The following MTA3 variants were observed in gnomAD, a reference collection of about 807,000 sequenced individuals.
MTA3 encodes metastasis-associated protein MTA3.
MTA3 carries 34 observed loss-of-function variants against 83.5 expected under a neutral mutation model. The observed-to-expected ratio is 0.41, with a 90% CI of 0.31 to 0.54. MTA3 has a LOEUF of 0.54. MTA3 is among the 20% of genes least tolerant of loss of function. The pLI, the probability that MTA3 is intolerant of heterozygous loss-of-function variation, is 0.33. For synonymous variants in MTA3, 303 were observed against 252.7 expected (o/e 1.20, Z -1.89); for missense variants, 761 against 726.4 (o/e 1.05, Z -0.55).
chr2:42,591,711 T>G (rs1017563984), intron 3 of MTA3, among the ~76,000 whole-genome samples: 11 of 152,012 alleles, frequency 7.2e-5, no homozygotes, highest in Non-Finnish European at 1.5e-4. Flanking sequence ...AGTGCAGTGG[T>G]GCGATCTCAG....
intron 2 of MTA3, among the ~76,000 whole-genome samples, chr2:42,541,880 T>A (rs979546202): frequency 6.6e-6 from 1 of 152,120 alleles, no homozygotes; most frequent in South Asian, 2.1e-4. Flanking sequence ...ATGGCTACTG[T>A]CAATTAGAGA....
At chr2:42,586,105 C>G (rs1368291596) in intron 3 of MTA3, among the ~76,000 whole-genome samples, 3 of 151,438 alleles carry the variant, frequency 2.0e-5, no homozygotes, top group Non-Finnish European at 4.4e-5. Flanking sequence ...TGGTGAAACC[C>G]TTTGTCTACT....
chr2:42,543,519 G>C (rs1290395237), intron 2 of MTA3, among the ~76,000 whole-genome samples: 1 of 146,310 alleles, frequency 6.8e-6, no homozygotes, highest in Non-Finnish European at 1.5e-5. Context: ...GGGTCTCACT[G>C]TGTCACCCAG....
At chr2:42,577,106 AT>A (rs371597744) in intron 2 of MTA3, among the ~76,000 whole-genome samples, 16,149 of 64,130 alleles carry the variant, frequency 0.25, 2,143 homozygotes, top group Non-Finnish European at 0.32. Flanking sequence ...AAAAAAAAAA[AT>A]ATATATATAT....
chr2:42,650,676 G>T (rs986531048), intron 6 of MTA3, among the ~76,000 whole-genome samples: 1 of 152,046 alleles, frequency 6.6e-6, no homozygotes, highest in East Asian at 1.9e-4. Context: ...TGATCTGCCC[G>T]CCTCAGCCTC....
intron 3 of MTA3, among the ~76,000 whole-genome samples, chr2:42,601,743 G>A (rs1006741011): frequency 2.6e-5 from 4 of 151,974 alleles, no homozygotes; most frequent in African/African-American, 7.2e-5. Context: ...GCAGGGTTGC[G>A]ATCTCAGCTC....
At chr2:42,605,674 C>CA (rs1405544270) in intron 3 of MTA3, among the ~76,000 whole-genome samples, 1 of 128,888 alleles carries the variant, frequency 7.8e-6, no homozygotes, top group Non-Finnish European at 1.7e-5. Context: ...GCTGACCCCC[C>CA]CACCTCCCTC....
At position 42,568,791 on chromosome 2, in the gene MTA3, G is replaced by T. The variant is rs758037300; in HGVS notation, c.28+18G>T. 1 of 1,215,290 alleles carries T rather than the reference G, an allele frequency of 8.2e-7. No homozygotes were observed. The highest frequency in any genetic ancestry group is 1.0e-6 in the Non-Finnish European group (1 of 977,022). 75.3% of individuals were successfully genotyped at this position (1,215,290 alleles called of 1,614,324 possible). On this transcript the variant is annotated intron_variant, in intron 1 of 16. Transcript: ENST00000405094. Reference sequence around the variant, plus strand: ...GGTCGGAGGTAGGCAGGCTCGGCCCGACCCGGCCCGTGTGGGAGCGGGTTC... The same window carrying T: ...GGTCGGAGGTAGGCAGGCTCGGCCCTACCCGGCCCGTGTGGGAGCGGGTTC...
intron 15 of MTA3, among the ~76,000 whole-genome samples, chr2:42,722,343 T>C (rs1174808622): frequency 6.6e-6 from 1 of 152,184 alleles, no homozygotes; most frequent in Non-Finnish European, 1.5e-5. Context: ...CTCTTGACTA[T>C]TGTATTTGGA....
intron 2 of MTA3, among the ~76,000 whole-genome samples, chr2:42,532,151 T>A (rs1334980025): frequency 6.6e-6 from 1 of 152,250 alleles, no homozygotes; most frequent in Non-Finnish European, 1.5e-5. Flanking sequence ...TTTTGTAAAT[T>A]ATTTTATTTC....
At chr2:42,730,151 A>G (rs1000691058) in intron 16 of MTA3, among the ~76,000 whole-genome samples, 19 of 152,180 alleles carry the variant, frequency 1.2e-4, no homozygotes, top group African/African-American at 4.1e-4. Flanking sequence ...CAAATATAAG[A>G]TCATATCATC....
chr2:42,667,621 A>AGAGAGAGAGAG (rs1690385863), intron 8 of MTA3, among the ~76,000 whole-genome samples: 2 of 114,076 alleles, frequency 1.8e-5, no homozygotes, highest in African/African-American at 6.5e-5. Context: ...TAGAGAGAGA[A>AGAGAGAGAGAG]AGAGAGAGAG....
At chr2:42,536,864 A>AAAAG (rs1676267020) in intron 2 of MTA3, among the ~76,000 whole-genome samples, 1 of 151,556 alleles carries the variant, frequency 6.6e-6, no homozygotes, top group Non-Finnish European at 1.5e-5. Context: ...ATCTCAAAAA[A>AAAAG]AAAAAAAAAA....
intron 4 of MTA3, among the ~76,000 whole-genome samples, chr2:42,611,025 A>G (rs1215610026): frequency 7.2e-6 from 1 of 138,056 alleles, no homozygotes; most frequent in African/African-American, 2.8e-5. Context: ...TCTGTCACCC[A>G]GGCTGGAGTG....
chr2:42,495,357 C>G (rs1240998697), intron 2 of MTA3: 2 of 152,300 alleles, frequency 1.3e-5, no homozygotes, highest in African/African-American at 4.8e-5. Flanking sequence ...ATCTTAAGAG[C>G]ACTAAATGTG....
chr2:42,659,717 A>G (rs981140570), intron 7 of MTA3, 46 bp from the exon 8 acceptor site: 2 of 1,392,668 alleles, frequency 1.4e-6, no homozygotes, highest in Non-Finnish European at 1.9e-6. Flanking sequence ...AAAACAAACC[A>G]AAACAGATAC....
chr2:42,732,998 C>T (rs1339930318), intron 16 of MTA3, among the ~76,000 whole-genome samples: 3 of 152,158 alleles, frequency 2.0e-5, no homozygotes, highest in Non-Finnish European at 2.9e-5. Context: ...GTAGGAAGTT[C>T]CAAACTTTCC....
chr2:42,604,103 G>T (rs957552480), intron 3 of MTA3, among the ~76,000 whole-genome samples: 6 of 151,724 alleles, frequency 4.0e-5, no homozygotes, highest in African/African-American at 1.5e-4. Flanking sequence ...GTGCAATGGC[G>T]TGATCTTGGC....
At chr2:42,627,725 AT>A (rs869227831) in intron 4 of MTA3, among the ~76,000 whole-genome samples, 30,222 of 104,152 alleles carry the variant, frequency 0.29, 3,100 homozygotes, top group African/African-American at 0.44. Flanking sequence ...GCCTGGCTAA[AT>A]TTTTTTTTTT....
Sources: allele counts gnomAD v4.1 joint callset (sites outside exome capture counted in the v4.1 genomes callset), GRCh38; gene constraint gnomAD v4.1.1; transcripts MANE v1.5; gene names NCBI Gene and HGNC (gene_info 2026-07-23, HGNC 2026-07-21).